The following TET3 variants were observed in gnomAD, a reference collection of about 807,000 sequenced individuals.
TET3 encodes methylcytosine dioxygenase TET3.
In TET3, 19 loss-of-function variants were observed where a neutral mutation model predicts 141.4. The ratio of observed to expected loss-of-function variants is 0.13; its 90% CI spans 0.09 to 0.20. TET3 has a LOEUF of 0.20. TET3 is among the 10% of genes least tolerant of loss of function. The pLI is 1.00. For missense variants in TET3, 1,874 were observed against 2,356.9 expected, an observed-to-expected ratio of 0.80 and a Z score of 4.24; for synonymous variants, 1,043 against 980.9, an observed-to-expected ratio of 1.06 and a Z score of -1.18.
chr2:74,033,009 A>G lies in TET3; in HGVS notation c.361-13269A>G, dbSNP rs1686837947. ...GAAATTTTCTTCATTTTCTTTCTGC[A>G]TTATGTGTGATCTGCCTCTGTGTTA... On this transcript the variant is annotated intron_variant, in intron 3 of 11. Transcript: ENST00000409262. 2.6e-5 allele frequency among the ~76,000 whole-genome samples: 4 copies of G among 152,090 alleles called. No homozygotes were observed. The South Asian group carries it at 8.3e-4, about 32-fold the overall frequency.
At chr2:74,018,126 C>T (rs1685833641) in intron 3 of TET3, among the ~76,000 whole-genome samples, 1 of 152,074 alleles carries the variant, frequency 6.6e-6, no homozygotes, top group Admixed American at 6.6e-5. Flanking sequence ...TGCCACCGTG[C>T]CCGACTAATT....
intron 3 of TET3, among the ~76,000 whole-genome samples, chr2:74,008,213 G>A (rs1284168851): frequency 6.6e-6 from 1 of 152,180 alleles, no homozygotes; most frequent in Non-Finnish European, 1.5e-5. Flanking sequence ...GCTTGAAAGA[G>A]TAGAGATCTT....
intron 3 of TET3, among the ~76,000 whole-genome samples, chr2:74,005,090 A>G (rs769109633): frequency 6.6e-6 from 1 of 152,118 alleles, no homozygotes; most frequent in Non-Finnish European, 1.5e-5. Flanking sequence ...CGCTGTAGTG[A>G]TGGCTCTCCC....
intron 5 of TET3, 101 bp from the exon 6 acceptor site, chr2:74,080,397 C>A: frequency 1.9e-6 from 2 of 1,031,428 alleles, no homozygotes; most frequent in Non-Finnish European, 2.9e-6. Context: ...CGACGGTAAC[C>A]AGAAACTCAA....
At position 74,100,492 on chromosome 2, in the gene TET3, C is replaced by T. The variant is rs781300926; in HGVS notation, c.3704C>T (p.Ala1235Val). The change falls in exon 12 of 12, where the codon GCG (alanine) becomes GTG (valine). Residue 1235 changes from alanine (A) to valine (V), a missense_variant. By Grantham distance (64) the Ala-to-Val change is moderately conservative (BLOSUM62 0). This residue lies in a region of TET3 where 602 missense variants were observed against 590.2 expected (regional missense o/e 1.02). Transcript: ENST00000409262. The part of the protein sequence containing the change: ...HFSSFKYSGN[A>V]VVESYSVLGN... ...AGCTCCTTCAAGTACAGCGGCAACGCGGTGGTGGAGAGCTACTCGGTGCTG... is the reference window on the plus strand; with the variant it reads ...AGCTCCTTCAAGTACAGCGGCAACGTGGTGGTGGAGAGCTACTCGGTGCTG... The T allele has an allele frequency of 1.0e-5, 16 of 1,601,676 alleles. No homozygotes were observed. The highest frequency in any genetic ancestry group is 9.0e-5 in the East Asian group (4 of 44,220).
intron 6 of TET3, among the ~76,000 whole-genome samples, chr2:74,083,564 A>C (rs939228843): frequency 3.3e-5 from 5 of 152,192 alleles, no homozygotes; most frequent in African/African-American, 1.2e-4. Context: ...AGTTGGAGCC[A>C]TCTCTCTTGC....
chr2:74,020,833 C>T (rs1337442562), intron 3 of TET3, among the ~76,000 whole-genome samples: 1 of 152,226 alleles, frequency 6.6e-6, no homozygotes, highest in Admixed American at 6.5e-5. Flanking sequence ...TAATCCCTCT[C>T]TAGCAGTTGT....
chr2:74,030,695 G>C (rs1389732387), intron 3 of TET3, among the ~76,000 whole-genome samples: 1 of 152,200 alleles, frequency 6.6e-6, no homozygotes, highest in African/African-American at 2.4e-5. Context: ...TGGGTGATGG[G>C]GGTTCAAGGC....
At chr2:73,985,429 G>A (rs1003279511) in intron 1 of TET3, among the ~76,000 whole-genome samples, 2 of 144,520 alleles carry the variant, frequency 1.4e-5, no homozygotes, top group African/African-American at 5.0e-5. Flanking sequence ...GCGCGGCCCG[G>A]CCCGCGGCTC....
chr2:74,118,657 G>A, the TET3 span, among the ~76,000 whole-genome samples: 1 of 152,000 alleles, frequency 6.6e-6, no homozygotes, highest in African/African-American at 2.4e-5. Flanking sequence ...AAGTCACATT[G>A]TATTTGCTTT....
At chr2:74,063,893 C>CAAAAAAAAAAAA (rs70965781) in intron 4 of TET3, among the ~76,000 whole-genome samples, 1 of 106,300 alleles carries the variant, frequency 9.4e-6, no homozygotes, top group African/African-American at 3.0e-5. Flanking sequence ...TCTCTGCAGA[C>CAAAAAAAAAAAA]AAAAAAAAAA....
chr2:73,999,461 A>G (rs1454376229), intron 2 of TET3, among the ~76,000 whole-genome samples: 5 of 152,196 alleles, frequency 3.3e-5, no homozygotes, highest in Admixed American at 1.3e-4. Context: ...AATTCCCCCA[A>G]GAATGTGTCT....
At chr2:74,110,651 G>T (rs1233104503), downstream of TET3, among the ~76,000 whole-genome samples, 1 of 152,098 alleles carries the variant, frequency 6.6e-6, no homozygotes, top group Non-Finnish European at 1.5e-5. Context: ...CCACTCCAGA[G>T]GTCTTAGCAG....
At chr2:73,998,989 G>T (rs1052676583) in intron 2 of TET3, among the ~76,000 whole-genome samples, 3 of 152,164 alleles carry the variant, frequency 2.0e-5, no homozygotes, top group Non-Finnish European at 2.9e-5. Context: ...AGTACCAGGG[G>T]TCAGATGAGA....
At chr2:74,110,021 G>A (rs1412736434), downstream of TET3, among the ~76,000 whole-genome samples, 5 of 152,082 alleles carry the variant, frequency 3.3e-5, no homozygotes, top group Non-Finnish European at 5.9e-5. Flanking sequence ...TAAGATATAA[G>A]GATAAAAAAA....
intron 10 of TET3, among the ~76,000 whole-genome samples, chr2:74,097,743 G>A (rs1690935512): frequency 6.6e-6 from 1 of 152,162 alleles, no homozygotes. Context: ...GGTTCCTCGT[G>A]CACGGCCCTC....
intron 3 of TET3, among the ~76,000 whole-genome samples, chr2:74,039,627 A>G (rs540169168): frequency 1.3e-5 from 2 of 152,330 alleles, no homozygotes; most frequent in Admixed American, 6.5e-5. Context: ...TGACAACAGC[A>G]TGGGTAGCTT....
At chr2:73,985,656 G>A (rs1256110689) in intron 1 of TET3, among the ~76,000 whole-genome samples, 1 of 152,084 alleles carries the variant, frequency 6.6e-6, no homozygotes, top group Non-Finnish European at 1.5e-5. Flanking sequence ...GGGAGGGCCC[G>A]GCGGCCTCCA....
intron 3 of TET3, among the ~76,000 whole-genome samples, chr2:74,009,046 A>G (rs563943153): frequency 1.3e-5 from 2 of 152,266 alleles, no homozygotes; most frequent in South Asian, 4.1e-4. Context: ...CTGCCGACTG[A>G]GTGTTCCTCC....
Sources: gnomAD v4.1 joint callset for allele counts (sites outside exome capture counted in the v4.1 genomes callset) on GRCh38, gnomAD v4.1.1 for gene constraint, gnomAD v4.1.1 regional missense constraint, MANE v1.5 for transcripts, NCBI Gene and HGNC (gene_info 2026-07-23, HGNC 2026-07-21) for gene names.